SCEL: variants seen among roughly 807,000 people sequenced by gnomAD.
SCEL encodes sciellin.
Under a neutral mutation model 117.6 loss-of-function variants are expected in SCEL, and 113 were observed. The ratio of observed to expected loss-of-function variants is 0.96; its 90% CI spans 0.83 to 1.12. The LOEUF (loss-of-function observed/expected upper bound fraction) is 1.12. Ranked by LOEUF, SCEL falls within the 50% of genes most tolerant of loss-of-function variation. The pLI is 0.00. For synonymous variants in SCEL, 270 were observed against 256.2 expected (o/e 1.05, Z -0.51); for missense variants, 785 against 810.8 (o/e 0.97, Z 0.39).
chr13:77,640,650 A>G (rs746421550), intron 30 of SCEL, 26 bp from the exon 31 acceptor site: 2 of 1,319,872 alleles, frequency 1.5e-6, no homozygotes, highest in South Asian at 2.6e-5. Flanking sequence ...TGGCAAATTT[A>G]TTTTTAATTG....
chr13:77,600,264 G>A (rs568836621), intron 15 of SCEL, among the ~76,000 whole-genome samples: 2 of 152,180 alleles, frequency 1.3e-5, no homozygotes, highest in Admixed American at 1.3e-4. Flanking sequence ...GAGTAGCTGG[G>A]ATTTCAAGTG....
chr13:77,570,397 T>A (rs2085527833), intron 8 of SCEL, among the ~76,000 whole-genome samples: 2 of 152,232 alleles, frequency 1.3e-5, no homozygotes, highest in Non-Finnish European at 2.9e-5. Flanking sequence ...TTCCATCTCC[T>A]ATCTAGTGCA....
intron 9 of SCEL, among the ~76,000 whole-genome samples, chr13:77,583,863 C>A (rs746810856): frequency 2.6e-5 from 4 of 152,288 alleles, no homozygotes; most frequent in East Asian, 1.9e-4. Context: ...TGAGGAAAGA[C>A]GTGATATTTG....
In SCEL at chr13:77,644,434, A is replaced by G. The variant is rs2090701570; in HGVS notation, c.*160A>G. Reference sequence around the variant, plus strand: ...TTGCATAAGTAATCTAATTGTCTTCAATAAGGTCACACACATAAAAAGAGC... The same window carrying G: ...TTGCATAAGTAATCTAATTGTCTTCGATAAGGTCACACACATAAAAAGAGC... On this transcript the variant is annotated 3_prime_UTR_variant, in exon 33 of 33. Transcript: ENST00000349847. 4 of 697,460 alleles carry G rather than the reference A, an allele frequency of 5.7e-6. No homozygotes were observed. The highest frequency in any genetic ancestry group is 5.4e-5 in the Admixed American group (2 of 36,810). The allele number at this position is 697,460 out of a possible 1,614,324, so 43.2% of individuals were successfully genotyped here.
intron 14 of SCEL, 46 bp downstream of exon 14, chr13:77,599,434 C>T (rs368166455): frequency 4.2e-5 from 62 of 1,493,150 alleles, no homozygotes; most frequent in Non-Finnish European, 5.2e-5. Flanking sequence ...TTGCAGATTG[C>T]TCGTCTTATT....
intron 12 of SCEL, among the ~76,000 whole-genome samples, chr13:77,595,996 G>A (rs2087206862): frequency 6.6e-6 from 1 of 152,100 alleles, no homozygotes; most frequent in South Asian, 2.1e-4. Flanking sequence ...AGGCTAAGTC[G>A]AAGTCTTGGT....
intron 4 of SCEL, among the ~76,000 whole-genome samples, chr13:77,561,538 T>C (rs542859499): frequency 1.3e-5 from 2 of 152,342 alleles, no homozygotes; most frequent in Non-Finnish European, 2.9e-5. Context: ...ACTTGTCATT[T>C]TTCTGCTCTG....
At chr13:77,621,610 C>T (rs559045865) in intron 27 of SCEL, among the ~76,000 whole-genome samples, 6 of 152,274 alleles carry the variant, frequency 3.9e-5, no homozygotes, top group South Asian at 2.1e-4. Context: ...AGGGTAACTA[C>T]GGGGTCTGCC....
rs115510030 is a variant in SCEL at position 77,641,365 on chromosome 13, C to T, written c.1947+581C>T. 3.7e-3 allele frequency among the ~76,000 whole-genome samples: 566 copies of T among 152,254 alleles called. 5 individuals carry two copies. The highest frequency in any genetic ancestry group is 0.013 in the African/African-American group (537 of 41,552). On this transcript the variant is annotated intron_variant, in intron 31 of 32. Coordinates refer to ENST00000349847, the MANE Select transcript of SCEL (RefSeq NM_144777.3). ...ATAACATTGGGTGGATCAACATCAT[C>T]GTTTTTGGTGTAACTGCATAAGCAG...
intron 19 of SCEL, among the ~76,000 whole-genome samples, chr13:77,607,173 T>C (rs1404260446): frequency 6.6e-6 from 1 of 151,850 alleles, no homozygotes; most frequent in African/African-American, 2.4e-5. Context: ...ATGAGCCACA[T>C]GAGTAGCTGG....
intron 9 of SCEL, among the ~76,000 whole-genome samples, chr13:77,580,685 T>G (rs2086218088): frequency 6.6e-6 from 1 of 152,234 alleles, no homozygotes; most frequent in Non-Finnish European, 1.5e-5. Context: ...ATGAATGTTA[T>G]TCATTATTCT....
At chr13:77,588,556 C>T (rs925552791) in intron 9 of SCEL, among the ~76,000 whole-genome samples, 2 of 152,158 alleles carry the variant, frequency 1.3e-5, no homozygotes, top group African/African-American at 4.8e-5. Flanking sequence ...CTCATTAAGT[C>T]CTGCCAACTC....
intron 30 of SCEL, among the ~76,000 whole-genome samples, chr13:77,639,049 C>T (rs564553527): frequency 6.6e-6 from 1 of 152,260 alleles, no homozygotes; most frequent in South Asian, 2.1e-4. Context: ...TCAACCCAAG[C>T]CCTGGAAACA....
At chr13:77,610,334 C>T (rs142239842) in intron 22 of SCEL, among the ~76,000 whole-genome samples, 5 of 151,560 alleles carry the variant, frequency 3.3e-5, no homozygotes, top group African/African-American at 9.7e-5. Flanking sequence ...TGCCTGTAGT[C>T]TCAGCTACTC....
chr13:77,638,819 A>G (rs1188293891), intron 30 of SCEL, among the ~76,000 whole-genome samples: 3 of 152,042 alleles, frequency 2.0e-5, no homozygotes, highest in African/African-American at 4.8e-5. Context: ...ACACCCTCCC[A>G]GAGTAGCAAG....
chr13:77,593,644 T>A, intron 12 of SCEL, 71 bp downstream of exon 12: 1 of 1,099,008 alleles, frequency 9.1e-7, no homozygotes, highest in Non-Finnish European at 1.4e-6. Context: ...ACCACACCTT[T>A]AAAAGTTCCA....
intron 1 of SCEL, among the ~76,000 whole-genome samples, chr13:77,549,323 T>C (rs1386809094): frequency 1.3e-5 from 2 of 152,192 alleles, no homozygotes. Flanking sequence ...GTGTTGAGCA[T>C]TTTACCTGTT....
chr13:77,583,535 G>A (rs2086384481), intron 9 of SCEL, among the ~76,000 whole-genome samples: 1 of 152,124 alleles, frequency 6.6e-6, no homozygotes, highest in Admixed American at 6.6e-5. Context: ...TTATGAATGG[G>A]GCAGTTGTGG....
intron 30 of SCEL, among the ~76,000 whole-genome samples, chr13:77,639,487 C>T (rs575053388): frequency 6.6e-6 from 1 of 152,252 alleles, no homozygotes; most frequent in African/African-American, 2.4e-5. Flanking sequence ...TACTTCTGGG[C>T]TTGATAATAG....
Sources: allele counts gnomAD v4.1 joint callset (sites outside exome capture counted in the v4.1 genomes callset), GRCh38; gene constraint gnomAD v4.1.1; transcripts MANE v1.5; gene names NCBI Gene and HGNC (gene_info 2026-07-23, HGNC 2026-07-21).